Variants in S1PR2 observed in about 807,000 individuals in gnomAD.
S1PR2 encodes the protein sphingosine 1-phosphate receptor 2.
In S1PR2, 9 loss-of-function variants were observed where a neutral mutation model predicts 16.1. The ratio of observed to expected loss-of-function variants is 0.56; its 90% CI spans 0.34 to 0.98. S1PR2 has a LOEUF of 0.98. Ranked by LOEUF, S1PR2 falls within the 50% of genes least tolerant of loss-of-function variation. The probability of loss-of-function intolerance (pLI) is 0.02; values close to 1 mark genes in which losing one functional copy is unlikely to be tolerated. For synonymous variants in S1PR2, 224 were observed against 233.9 expected (o/e 0.96, Z 0.38); for missense variants, 361 against 488.4 (o/e 0.74, Z 2.46).
Position 10,223,798 on chromosome 19 carries a change from C to A in S1PR2, c.*46G>T, listed in dbSNP as rs764867123. ...TATCTGGGGTCACCCAGTGGCCTCT[C>A]CATGAACCCCTCTGCCCTGGCCTGG... On this transcript the variant is annotated 3_prime_UTR_variant, in exon 2 of 2. Transcript: ENST00000646641. 2.0e-6 allele frequency: 3 copies of A among 1,497,026 alleles called. No homozygotes were observed. In the Admixed American group the frequency reaches 6.8e-5, roughly 34 times the overall value. 92.7% of individuals were successfully genotyped at this position (1,497,026 alleles called of 1,614,324 possible).
Position 10,222,660 on chromosome 19 carries a change from G to T in S1PR2, c.*1184C>A. 1 of 152,468 alleles carries T rather than the reference G, an allele frequency of 6.6e-6. No homozygotes were observed. 9.4% of individuals were successfully genotyped at this position (152,468 alleles called of 1,614,324 possible). On this transcript the variant is annotated 3_prime_UTR_variant, in exon 2 of 2. Transcript: ENST00000646641. ...CTCCAGCCGTGGTTTCCGGGCCTCA[G>T]AGAGACGGGGAGAAGTCGTCAAGTG...
chr19:10,224,472 C>A lies in S1PR2; in HGVS notation c.434G>T (p.Ser145Ile). 1 of 1,613,868 alleles carries A rather than the reference C, an allele frequency of 6.2e-7. No individual in the cohort carries two copies. Among genetic ancestry groups the A allele is most frequent in the South Asian group, 1.1e-5 (1 of 91,092 alleles). Residue 145 changes from serine to isoleucine, a missense_variant, in exon 2 of 2, where the codon AGC becomes ATC. By Grantham distance (142) the Ser-to-Ile change is moderately radical (BLOSUM62 -2). Coordinates refer to ENST00000646641, the MANE Select transcript of S1PR2 (RefSeq NM_004230.4). ...CCCGATGAGCAGAAGCATGCGGCAGCTCTTGTCGCTGCCATACAGCTTGAC... is the reference window on the plus strand; with the variant it reads ...CCCGATGAGCAGAAGCATGCGGCAGATCTTGTCGCTGCCATACAGCTTGAC... ...AKVKLYGSDK[S>I]CRMLLLIGAS...
Position 10,223,777 on chromosome 19 carries a change from TG to T in S1PR2, c.*66del. The T allele has an allele frequency of 7.1e-7, 1 of 1,413,480 alleles. No homozygotes were observed. The highest frequency in any genetic ancestry group is 9.6e-7 in the Non-Finnish European group (1 of 1,045,014). 87.6% of individuals were successfully genotyped at this position (1,413,480 alleles called of 1,614,324 possible). A position where few individuals can be genotyped will look rare whatever the true frequency, so the allele number is the denominator to read the frequency against. ...GGCTCAGTAGCCCCAAGTCTCTATC[TG>T]GGGTCACCCAGTGGCCTCTCCATGA... On this transcript the variant is annotated 3_prime_UTR_variant, in exon 2 of 2. Coordinates refer to ENST00000646641, the MANE Select transcript of S1PR2 (RefSeq NM_004230.4).
chr19:10,226,026 T>C (rs1225364318), intron 1 of S1PR2, among the ~76,000 whole-genome samples: 1 of 141,412 alleles, frequency 7.1e-6, no homozygotes, highest in Non-Finnish European at 1.6e-5. Context: ...AAAAATATAA[T>C]GTGGACTTCC....
At position 10,224,223 on chromosome 19, in the gene S1PR2, G is replaced by A. The variant is rs754150207; in HGVS notation, c.683C>T (p.Thr228Met). 33 of 1,613,298 alleles carry A rather than the reference G, an allele frequency of 2.0e-5. No individual in the cohort carries two copies. Among genetic ancestry groups the A allele is most frequent in the Non-Finnish European group, 2.5e-5 (30 of 1,180,052 alleles). Reference protein sequence around the residue: ...SSHADMAAPQTLALLKTVTIV... With the variant: ...SSHADMAAPQMLALLKTVTIV... ...GGTGACCGTCTTGAGCAGGGCTAGC[G>A]TCTGCGGGGCGGCCATGTCAGCGTG... The change falls in exon 2 of 2, where the codon ACG becomes ATG. Residue 228 changes from threonine to methionine, a missense_variant. Coordinates refer to ENST00000646641, the MANE Select transcript of S1PR2 (RefSeq NM_004230.4).
intron 1 of S1PR2, among the ~76,000 whole-genome samples, chr19:10,229,774 T>C (rs557751193): frequency 3.7e-4 from 56 of 152,136 alleles, no homozygotes; most frequent in African/African-American, 1.3e-3. Context: ...ATAGCAGCCA[T>C]CTCCAAGCCT....
At chr19:10,228,230 T>C (rs767113061) in intron 1 of S1PR2, among the ~76,000 whole-genome samples, 21 of 151,852 alleles carry the variant, frequency 1.4e-4, no homozygotes, top group Admixed American at 7.2e-4. Context: ...GAGAATCGCT[T>C]GAACCCGGGA....
In S1PR2 at chr19:10,224,340, T is replaced by C. The variant is rs1423013799; in HGVS notation, c.566A>G (p.His189Arg). The change falls in exon 2 of 2, where the codon CAT (histidine) becomes CGT (arginine). Residue 189 changes from histidine (H) to arginine (R), a missense_variant. Physicochemically the swap from His to Arg is conservative, Grantham distance 29. Coordinates refer to ENST00000646641, the MANE Select transcript of S1PR2 (RefSeq NM_004230.4). ...GATGGTCACCACGCACAGCACATAA[T>C]GCTTGGCGTAGAGAGGCAGGACAGT... The part of the protein sequence containing the change: ...CSTVLPLYAK[H>R]YVLCVVTIFS... 6 of 1,614,088 alleles carry C rather than the reference T, an allele frequency of 3.7e-6. No homozygotes were observed. The highest frequency in any genetic ancestry group is 5.1e-6 in the Non-Finnish European group (6 of 1,180,024).
intron 1 of S1PR2, among the ~76,000 whole-genome samples, chr19:10,226,476 C>T (rs118140245): frequency 3.3e-5 from 5 of 152,316 alleles, no homozygotes; most frequent in East Asian, 1.9e-4. Flanking sequence ...TTTTAAATGA[C>T]GCATGAGGCA....
chr19:10,231,168 C>G (rs1333762413), intron 1 of S1PR2, 36 bp downstream of exon 1: 1 of 152,512 alleles, frequency 6.6e-6, no homozygotes, highest in African/African-American at 2.4e-5. Flanking sequence ...GGACCAGGCC[C>G]GCCTTTTCTG....
At chr19:10,230,727 C>G (rs1248277686) in intron 1 of S1PR2, among the ~76,000 whole-genome samples, 1 of 152,254 alleles carries the variant, frequency 6.6e-6, no homozygotes, top group African/African-American at 2.4e-5. Context: ...CCGGAGGAGG[C>G]AAACAACTTG....
At position 10,224,608 on chromosome 19, in the gene S1PR2, G is replaced by T. The variant is rs1246694643; in HGVS notation, c.298C>A (p.Leu100Met). Residue 100 changes from leucine to methionine, a missense_variant, in exon 2 of 2, where the codon CTG becomes ATG. Physicochemically the swap from Leu to Met is conservative, Grantham distance 15. Coordinates refer to ENST00000646641, the MANE Select transcript of S1PR2 (RefSeq NM_004230.4). The stretch of plus-strand genomic sequence containing the variant: ...CGGGCAAACCACTGCACAGGCGTCA[G>T]CCTCAGCGTGACAGAGCCAGAGAGC... Reference protein sequence around the residue: ...TLLSGSVTLRLTPVQWFAREG... With the variant: ...TLLSGSVTLRMTPVQWFAREG... 2 of 1,613,904 alleles carry T rather than the reference G, an allele frequency of 1.2e-6. No individual in the cohort carries two copies. The highest frequency in any genetic ancestry group is 1.3e-5 in the African/African-American group (1 of 74,964).
rs74179903 is a variant in S1PR2, at chr19:10,225,247, A to G, written c.-42-300T>C. Reference sequence around the variant, plus strand: ...TTTATTTATCTATATTTTAAAGACAAGGTCTTGCTCTGTCATTCAGGCTGG... The same window carrying G: ...TTTATTTATCTATATTTTAAAGACAGGGTCTTGCTCTGTCATTCAGGCTGG... On this transcript the variant is annotated intron_variant, in intron 1 of 1. Transcript: ENST00000646641. Among the ~76,000 whole-genome samples the G allele has an allele frequency of 0.055, 8,389 of 152,104 alleles. 422 individuals are homozygous for G. The highest frequency in any genetic ancestry group is 0.13 in the Admixed American group (2,039 of 15,246).
At chr19:10,227,895 G>T (rs887521893) in intron 1 of S1PR2, among the ~76,000 whole-genome samples, 20 of 152,122 alleles carry the variant, frequency 1.3e-4, no homozygotes, top group Non-Finnish European at 1.5e-5. Flanking sequence ...CCCTCCTGGG[G>T]TTCATAAGTG....
chr19:10,225,563 A>AT (rs919594804), intron 1 of S1PR2, among the ~76,000 whole-genome samples: 23 of 148,438 alleles, frequency 1.5e-4, no homozygotes, highest in Middle Eastern at 3.4e-3. Flanking sequence ...GGCCCAGCTA[A>AT]TTTTTTTTTT....
intron 1 of S1PR2, among the ~76,000 whole-genome samples, chr19:10,226,750 A>G (rs978536978): frequency 6.6e-6 from 1 of 152,128 alleles, no homozygotes; most frequent in Non-Finnish European, 1.5e-5. Context: ...CTCTGCAGTC[A>G]CATCCGGTGT....
At chr19:10,230,733 A>G (rs182609837) in intron 1 of S1PR2, among the ~76,000 whole-genome samples, 1 of 152,272 alleles carries the variant, frequency 6.6e-6, no homozygotes, top group African/African-American at 2.4e-5. Context: ...GAGGCAAACA[A>G]CTTGGGGAAA....
chr19:10,225,480 T>C (rs986618823), intron 1 of S1PR2, among the ~76,000 whole-genome samples: 1 of 134,712 alleles, frequency 7.4e-6, no homozygotes, highest in Non-Finnish European at 1.5e-5. Context: ...CACTGCAACC[T>C]CCTCCTCCTG....
chr19:10,227,824 C>T (rs1003913182), intron 1 of S1PR2, among the ~76,000 whole-genome samples: 1 of 152,038 alleles, frequency 6.6e-6, no homozygotes, highest in Non-Finnish European at 1.5e-5. Context: ...GAGTTTGAAC[C>T]GCAGCCTGAC....
Sources: allele counts gnomAD v4.1 joint callset (sites outside exome capture counted in the v4.1 genomes callset), GRCh38; gene constraint gnomAD v4.1.1; transcripts MANE v1.5; gene names NCBI Gene and HGNC (gene_info 2026-07-23, HGNC 2026-07-21).